The following MAP3K8 variants were observed in gnomAD, a reference collection of about 807,000 sequenced individuals.
MAP3K8 encodes the protein mitogen-activated protein kinase kinase kinase 8.
In MAP3K8, 22 loss-of-function variants were observed where a neutral mutation model predicts 45.8. The ratio of observed to expected loss-of-function variants is 0.48; its 90% CI spans 0.34 to 0.69. MAP3K8 has a LOEUF of 0.69. Among genes scored for constraint, MAP3K8 ranks in the 30% least tolerant of loss-of-function variants. MAP3K8 has a pLI of 0.01. For missense variants in MAP3K8, 419 were observed against 585.0 expected, an observed-to-expected ratio of 0.72 and a Z score of 2.93; for synonymous variants, 223 against 214.3, an observed-to-expected ratio of 1.04 and a Z score of -0.36.
At chr10:30,442,123 A>G (rs1025069471) in intron 3 of MAP3K8, among the ~76,000 whole-genome samples, 18 of 152,208 alleles carry the variant, frequency 1.2e-4, no homozygotes, top group African/African-American at 4.3e-4. Context: ...TAGAGATAGT[A>G]TGGAACAGTC....
chr10:30,438,619 T>C (rs574593412), intron 2 of MAP3K8, among the ~76,000 whole-genome samples: 42 of 152,318 alleles, frequency 2.8e-4, no homozygotes, highest in African/African-American at 9.9e-4. Context: ...TTCGTGTGTA[T>C]GTTTAGTGAA....
chr10:30,450,199 T>C (rs998929435), intron 4 of MAP3K8, 59 bp from the exon 5 acceptor site: 64 of 1,501,478 alleles, frequency 4.3e-5, no homozygotes, highest in Non-Finnish European at 5.4e-5. Context: ...ACCTATATTT[T>C]ATATTTTTAA....
intron 1 of MAP3K8, chr10:30,434,721 C>A: frequency 1.0e-6 from 1 of 985,552 alleles, no homozygotes; most frequent in Non-Finnish European, 1.2e-6. Flanking sequence ...GCCGCCTGGA[C>A]GGCCGCACTC....
intron 3 of MAP3K8, 109 bp from the exon 4 acceptor site, chr10:30,447,673 A>G (rs1374917969): frequency 8.6e-6 from 7 of 810,266 alleles, no homozygotes; most frequent in African/African-American, 1.7e-5. Flanking sequence ...TTAATTTCAT[A>G]ACTGTGTATC....
chr10:30,459,781 A>G (rs959108495), intron 8 of MAP3K8, among the ~76,000 whole-genome samples: 3 of 152,028 alleles, frequency 2.0e-5, no homozygotes, highest in Non-Finnish European at 4.4e-5. Context: ...CTTTTTTACA[A>G]CTTTTGTCTT....
intron 3 of MAP3K8, among the ~76,000 whole-genome samples, chr10:30,441,829 C>A (rs912913866): frequency 7.9e-5 from 12 of 152,146 alleles, no homozygotes; most frequent in Non-Finnish European, 2.9e-5. Context: ...GGAGGCAAGG[C>A]TTGCTTTCGG....
chr10:30,449,267 C>A (rs922447680), intron 4 of MAP3K8, among the ~76,000 whole-genome samples: 7 of 152,058 alleles, frequency 4.6e-5, no homozygotes, highest in Non-Finnish European at 1.0e-4. Flanking sequence ...CTTTTTGAGA[C>A]GGAGTCTAGC....
chr10:30,451,446 G>A (rs199659350), intron 5 of MAP3K8, among the ~76,000 whole-genome samples, 192 bp from the exon 6 acceptor site: 1 of 152,130 alleles, frequency 6.6e-6, no homozygotes, highest in Non-Finnish European at 1.5e-5. Context: ...CTGTATTCTT[G>A]ATGGATCCAA....
intron 6 of MAP3K8, among the ~76,000 whole-genome samples, chr10:30,457,430 A>G (rs1465799526): frequency 6.6e-6 from 1 of 152,212 alleles, no homozygotes; most frequent in Non-Finnish European, 1.5e-5. Context: ...ACCTTTTATC[A>G]TTGCAGATAT....
chr10:30,444,762 A>T (rs899867040), intron 3 of MAP3K8, among the ~76,000 whole-genome samples: 1 of 152,246 alleles, frequency 6.6e-6, no homozygotes, highest in Non-Finnish European at 1.5e-5. Flanking sequence ...AGTTATTTTT[A>T]TAACCCGGCA....
At chr10:30,440,372 G>A (rs1019313769) in intron 3 of MAP3K8, among the ~76,000 whole-genome samples, 1 of 152,138 alleles carries the variant, frequency 6.6e-6, no homozygotes, top group African/African-American at 2.4e-5. Context: ...GGGGAAAGTC[G>A]GTGCTGAATG....
chr10:30,445,023 A>T (rs1836266321), intron 3 of MAP3K8, among the ~76,000 whole-genome samples: 1 of 152,250 alleles, frequency 6.6e-6, no homozygotes. Context: ...AGTACTGAGC[A>T]CATTGCTGTA....
chr10:30,445,979 T>C (rs1341509743), intron 3 of MAP3K8, among the ~76,000 whole-genome samples: 1 of 152,234 alleles, frequency 6.6e-6, no homozygotes, highest in East Asian at 1.9e-4. Flanking sequence ...CATCTGCAGA[T>C]GAATCAAGAG....
chr10:30,437,081 C>A (rs1835936772), intron 1 of MAP3K8, 95 bp from the exon 2 acceptor site: 1 of 619,248 alleles, frequency 1.6e-6, no homozygotes, highest in Non-Finnish European at 2.0e-6. Flanking sequence ...GGGGAAGCTG[C>A]CCCCTCACTC....
chr10:30,445,864 T>C lies in MAP3K8; in HGVS notation c.337-1918T>C, dbSNP rs114339680. Among the ~76,000 whole-genome samples, 545 of 152,306 alleles carry C rather than the reference T, an allele frequency of 3.6e-3. 6 individuals carry two copies. Among genetic ancestry groups the C allele is most frequent in the African/African-American group, 0.013 (530 of 41,572 alleles). On this transcript the variant is annotated intron_variant, in intron 3 of 8. Transcript: ENST00000263056. ...CCCTGACTAATAGTGAACACATCTG[T>C]TTGTGGGATGTGTAGCTAAAATTAG... is the stretch of plus-strand genomic sequence containing the variant.
intron 1 of MAP3K8, among the ~76,000 whole-genome samples, chr10:30,435,137 C>T (rs537530598): frequency 6.6e-6 from 1 of 152,320 alleles, no homozygotes; most frequent in African/African-American, 2.4e-5. Flanking sequence ...CCACCGGCTG[C>T]CTGTAAGAGA....
At chr10:30,441,630 C>T (rs911171866) in intron 3 of MAP3K8, among the ~76,000 whole-genome samples, 12 of 152,126 alleles carry the variant, frequency 7.9e-5, no homozygotes, top group South Asian at 4.1e-4. Flanking sequence ...GATATGGCCT[C>T]GCTAGGCAAA....
At chr10:30,457,981 C>A in intron 6 of MAP3K8, 103 bp from the exon 7 acceptor site, 1 of 956,182 alleles carries the variant, frequency 1.0e-6, no homozygotes, top group Non-Finnish European at 1.5e-6. Flanking sequence ...GCATTATTCT[C>A]CTAGTTTAAG....
chr10:30,457,588 A>AT (rs1468274278), intron 6 of MAP3K8, among the ~76,000 whole-genome samples: 1 of 152,174 alleles, frequency 6.6e-6, no homozygotes, highest in Non-Finnish European at 1.5e-5. Flanking sequence ...TCCCTGATAG[A>AT]TTCCTGGTTC....
Sources: gnomAD v4.1 joint callset for allele counts (sites outside exome capture counted in the v4.1 genomes callset) on GRCh38, gnomAD v4.1.1 for gene constraint, MANE v1.5 for transcripts, NCBI Gene and HGNC (gene_info 2026-07-23, HGNC 2026-07-21) for gene names.